Variants in ZSWIM7 observed in about 807,000 individuals in gnomAD.
The protein encoded by ZSWIM7 is zinc finger SWIM domain-containing protein 7.
A neutral mutation model predicts 21.1 loss-of-function variants in ZSWIM7; 22 were observed. The ratio of observed to expected loss-of-function variants is 1.04; its 90% CI spans 0.74 to 1.49. ZSWIM7 has a LOEUF of 1.49. Among genes scored for constraint, ZSWIM7 ranks in the 40% most tolerant of loss-of-function variants. The pLI, the probability that ZSWIM7 is intolerant of heterozygous loss-of-function variation, is 0.00. For missense variants in ZSWIM7, 193 were observed against 168.0 expected (o/e 1.15, Z -0.82); for synonymous variants, 67 against 66.5 (o/e 1.01, Z -0.04).
intron 2 of ZSWIM7, among the ~76,000 whole-genome samples, chr17:15,988,671 A>T (rs1319497192): frequency 6.6e-6 from 1 of 151,922 alleles, no homozygotes; most frequent in East Asian, 1.9e-4. Context: ...AAAAAAAAAA[A>T]CTAAAACACA....
chr17:15,978,258 G>A (rs2151617234), intron 4 of ZSWIM7, 95 bp from the exon 5 acceptor site: 2 of 871,978 alleles, frequency 2.3e-6, no homozygotes, highest in Non-Finnish European at 1.9e-6. Context: ...TTTGGCAGGA[G>A]AAGACTAGAG....
At chr17:15,986,215 T>A (rs1052291871) in intron 3 of ZSWIM7, among the ~76,000 whole-genome samples, 3 of 152,168 alleles carry the variant, frequency 2.0e-5, no homozygotes, top group African/African-American at 7.2e-5. Flanking sequence ...AGCTAATTTT[T>A]GTATTTTTAG....
intron 2 of ZSWIM7, among the ~76,000 whole-genome samples, chr17:15,988,299 C>T (rs1160618519): frequency 6.6e-6 from 1 of 152,054 alleles, no homozygotes; most frequent in Admixed American, 6.5e-5. Flanking sequence ...TGTTGACGGA[C>T]ATTTATTTTT....
chr17:15,998,371 G>A (rs1970593026), intron 1 of ZSWIM7, among the ~76,000 whole-genome samples: 1 of 152,198 alleles, frequency 6.6e-6, no homozygotes, highest in East Asian at 1.9e-4. Context: ...AGGAAACAAA[G>A]TTGGCTTATT....
intron 1 of ZSWIM7, among the ~76,000 whole-genome samples, chr17:15,996,639 A>G (rs540373290): frequency 6.6e-6 from 1 of 152,072 alleles, no homozygotes; most frequent in East Asian, 1.9e-4. Context: ...TCTGTGTGCC[A>G]TAATATAAGG....
intron 1 of ZSWIM7, among the ~76,000 whole-genome samples, chr17:15,997,987 G>A (rs922888487): frequency 1.3e-5 from 2 of 152,140 alleles, no homozygotes; most frequent in Non-Finnish European, 2.9e-5. Context: ...TGTAGTCACA[G>A]CTACTTGGGA....
chr17:15,996,015 G>T (rs1970549357), intron 1 of ZSWIM7, among the ~76,000 whole-genome samples: 1 of 152,210 alleles, frequency 6.6e-6, no homozygotes, highest in African/African-American at 2.4e-5. Context: ...GATGTCTGAA[G>T]AAATATTATT....
chr17:15,995,001 T>TA (rs1376847268), intron 1 of ZSWIM7, among the ~76,000 whole-genome samples: 9 of 152,036 alleles, frequency 5.9e-5, no homozygotes, highest in African/African-American at 1.9e-4. Flanking sequence ...AGAAGAAAGT[T>TA]AGAGGAAAAA....
intron 1 of ZSWIM7, 138 bp downstream of exon 1, chr17:15,999,381 G>C (rs773185091): frequency 3.1e-5 from 34 of 1,095,072 alleles, no homozygotes; most frequent in East Asian, 5.2e-5. Flanking sequence ...GTCTTTTTAC[G>C]AACAAGAGGT....
rs1246445500 is a variant in ZSWIM7, at chr17:15,977,111, G to T, written c.*936C>A. 6.6e-6 allele frequency: 1 copy of T among 152,038 alleles called. No homozygotes were observed. The highest frequency in any genetic ancestry group is 1.5e-5 in the Non-Finnish European group (1 of 68,004). The allele number at this position is 152,038 out of a possible 1,614,324, so 9.4% of individuals were successfully genotyped here. Reference sequence around the variant, plus strand: ...AATTGCCCTGTTGTAAAGATCAGAAGTGCAGAGTGAAACCAGTTCTTCCCT... The same window carrying T: ...AATTGCCCTGTTGTAAAGATCAGAATTGCAGAGTGAAACCAGTTCTTCCCT... On this transcript the variant is annotated 3_prime_UTR_variant, in exon 5 of 5. Transcript: ENST00000399277.
chr17:15,988,741 G>A (rs566530540), intron 2 of ZSWIM7, among the ~76,000 whole-genome samples: 196 of 152,138 alleles, frequency 1.3e-3, no homozygotes, highest in Non-Finnish European at 1.6e-4. Flanking sequence ...TTCTCAGGCC[G>A]GGCGCGGTGG....
intron 3 of ZSWIM7, among the ~76,000 whole-genome samples, chr17:15,983,728 A>G (rs993021456): frequency 4.6e-5 from 7 of 152,096 alleles, no homozygotes; most frequent in African/African-American, 1.4e-4. Flanking sequence ...CTGGGATTAC[A>G]GGCATGTGCC....
At chr17:15,999,379 A>T in intron 1 of ZSWIM7, 140 bp downstream of exon 1, 2 of 1,090,904 alleles carry the variant, frequency 1.8e-6, no homozygotes, top group African/African-American at 1.6e-5. Flanking sequence ...TTGTCTTTTT[A>T]CGAACAAGAG....
At chr17:15,981,248 GAGA>G (rs1471570227) in intron 3 of ZSWIM7, 104 bp from the exon 4 acceptor site, 4 of 696,838 alleles carry the variant, frequency 5.7e-6, no homozygotes, top group Non-Finnish European at 9.8e-6. Flanking sequence ...AAATTGCACC[GAGA>G]AGAACTGCAG....
Position 15,977,946 on chromosome 17 carries a change from C to A in ZSWIM7, c.*101G>T. 1.0e-6 allele frequency: 1 copy of A among 968,370 alleles called. No individual in the cohort carries two copies. Among genetic ancestry groups the A allele is most frequent in the Non-Finnish European group, 1.6e-6 (1 of 617,690 alleles). The allele number at this position is 968,370 out of a possible 1,614,324, so 60.0% of individuals were successfully genotyped here. ...GAAAAGGGACAGTAACATGAAGTGT[C>A]TGAAGATCCATTTCACCTCTTTTCC... is the stretch of plus-strand genomic sequence containing the variant. On this transcript the variant is annotated 3_prime_UTR_variant, in exon 5 of 5. Coordinates refer to ENST00000399277, the MANE Select transcript of ZSWIM7 (RefSeq NM_001042697.2).
In ZSWIM7 at chr17:15,996,323, A is replaced by C. The variant is rs531870707; in HGVS notation, c.77-2545T>G. ...CGTCTCAAAAAAAACCCAAAAAAAC[A>C]AAAAAACCCCACAACTTTTTCAGAC... On this transcript the variant is annotated intron_variant, in intron 1 of 4. Coordinates refer to ENST00000399277, the MANE Select transcript of ZSWIM7 (RefSeq NM_001042697.2). Among the ~76,000 whole-genome samples the C allele has an allele frequency of 1.5e-4, 23 of 151,986 alleles. No individual in the cohort carries two copies. The South Asian group carries it at 4.8e-3, about 32-fold the overall frequency.
In ZSWIM7 at chr17:15,976,989, CCTT is replaced by C. The variant is rs1368105962; in HGVS notation, c.*1055_*1057del. On this transcript the variant is annotated 3_prime_UTR_variant, in exon 5 of 5. Coordinates refer to ENST00000399277, the MANE Select transcript of ZSWIM7 (RefSeq NM_001042697.2). Reference sequence around the variant, plus strand: ...TCTCATCGCTCTCCCTTCTAATACTCCTTCTGTCATCTATTTTGTCTTTTCTTC... The same window carrying C: ...TCTCATCGCTCTCCCTTCTAATACTCCTGTCATCTATTTTGTCTTTTCTTC... 1.3e-5 allele frequency: 2 copies of C among 152,076 alleles called. No individual in the cohort carries two copies. Among genetic ancestry groups the C allele is most frequent in the Non-Finnish European group, 1.5e-5 (1 of 68,020 alleles). The allele number at this position is 152,076 out of a possible 1,614,324, so 9.4% of individuals were successfully genotyped here. A position where few individuals can be genotyped will look rare whatever the true frequency, so the allele number is the denominator to read the frequency against.
chr17:15,987,505 C>T, intron 2 of ZSWIM7, 137 bp from the exon 3 acceptor site: 1 of 682,184 alleles, frequency 1.5e-6, no homozygotes, highest in Non-Finnish European at 2.5e-6. Flanking sequence ...TACAGCAAAA[C>T]CCATGGACCC....
chr17:15,986,091 T>C (rs1970406800), intron 3 of ZSWIM7, among the ~76,000 whole-genome samples: 1 of 152,140 alleles, frequency 6.6e-6, no homozygotes, highest in African/African-American at 2.4e-5. Context: ...TCACTCAGGC[T>C]GGAGTGCAAT....
Sources: gnomAD v4.1 joint callset for allele counts (sites outside exome capture counted in the v4.1 genomes callset) on GRCh38, gnomAD v4.1.1 for gene constraint, MANE v1.5 for transcripts, NCBI Gene and HGNC (gene_info 2026-07-23, HGNC 2026-07-21) for gene names.